The following ASXL1 variants were observed in gnomAD, a reference collection of about 807,000 sequenced individuals.
The protein encoded by ASXL1 is polycomb group protein ASXL1.
A neutral mutation model predicts 89.1 loss-of-function variants in ASXL1; 65 were observed. That is an observed-to-expected ratio of 0.73 (90% confidence interval 0.60 to 0.90). The LOEUF is 0.90. Ranked by LOEUF, ASXL1 falls within the 40% of genes least tolerant of loss-of-function variation. The pLI is 0.00. For synonymous variants in ASXL1, 739 were observed against 746.9 expected (o/e 0.99, Z 0.17); for missense variants, 1,786 against 1,942.9 (o/e 0.92, Z 1.52).
At chr20:32,379,544 G>A (rs993745590) in intron 4 of ASXL1, among the ~76,000 whole-genome samples, 1 of 151,428 alleles carries the variant, frequency 6.6e-6, no homozygotes, top group Non-Finnish European at 1.5e-5. Context: ...AAGATGTCAC[G>A]GCCAGGCATG....
At chr20:32,366,313 C>G in intron 1 of ASXL1, 71 bp from the exon 2 acceptor site, 1 of 1,330,974 alleles carries the variant, frequency 7.5e-7, no homozygotes, top group Non-Finnish European at 1.1e-6. Flanking sequence ...ATAACTTTAG[C>G]CCATGATATA....
chr20:32,435,806 G>A lies in ASXL1; in HGVS notation c.3094G>A (p.Asp1032Asn). 6.2e-7 allele frequency: 1 copy of A among 1,614,224 alleles called. No individual in the cohort carries two copies. The highest frequency in any genetic ancestry group is 8.5e-7 in the Non-Finnish European group (1 of 1,180,044). Reference sequence around the variant, plus strand: ...GACAAAGGGATCTTCGGTGGACAAGGATGAGAAACCCAATTGGAACCAATC... The same window carrying A: ...GACAAAGGGATCTTCGGTGGACAAGAATGAGAAACCCAATTGGAACCAATC... ...AVTKGSSVDKDEKPNWNQSAP... is the reference protein window; with the variant it reads ...AVTKGSSVDKNEKPNWNQSAP... Residue 1032 changes from aspartate to asparagine, a missense_variant, in exon 13 of 13, where the codon GAT becomes AAT. Physicochemically the swap from Asp to Asn is conservative, Grantham distance 23 (BLOSUM62 1). Coordinates refer to ENST00000375687, the MANE Select transcript of ASXL1 (RefSeq NM_015338.6).
rs2011974856 is a variant in ASXL1, at chr20:32,437,209, G to A, written c.4497G>A (p.Val1499=). 1 of 1,613,624 alleles carries A rather than the reference G, an allele frequency of 6.2e-7. No individual in the cohort carries two copies. The highest frequency in any genetic ancestry group is 8.5e-7 in the Non-Finnish European group (1 of 1,179,528). The change falls in exon 13 of 13, where the codon GTG becomes GTA. Residue 1499 remains valine, a synonymous_variant. Transcript: ENST00000375687. ...AAATGTTCACTGACAGCAGCACGGT[G>A]GAAAGCATCTCGCTCCAGTGTGCGT... The part of the protein sequence containing the change: ...SLQMFTDSST[V]ESISLQCACS...
At chr20:32,381,992 G>C (rs968732873) in intron 4 of ASXL1, among the ~76,000 whole-genome samples, 1 of 39,718 alleles carries the variant, frequency 2.5e-5, no homozygotes, top group African/African-American at 1.0e-4. Context: ...TTTTGGTTTT[G>C]TTGCCCAGGC....
intron 4 of ASXL1, among the ~76,000 whole-genome samples, chr20:32,371,546 C>A (rs973095465): frequency 2.0e-5 from 3 of 152,122 alleles, no homozygotes; most frequent in Non-Finnish European, 4.4e-5. Flanking sequence ...TTTGGCCTCC[C>A]AAACTGCCAG....
Position 32,436,185 on chromosome 20 carries a change from A to G in ASXL1, c.3473A>G (p.Asn1158Ser). 1 of 1,614,224 alleles carries G rather than the reference A, an allele frequency of 6.2e-7. No homozygotes were observed. The highest frequency in any genetic ancestry group is 8.5e-7 in the Non-Finnish European group (1 of 1,180,030). ...RMGSLHGLGKNSGMVDGSSPS... is the reference protein window; with the variant it reads ...RMGSLHGLGKSSGMVDGSSPS... ...GGATCTTTACATGGTCTTGGAAAAA[A>G]CAGTGGCATGGTTGATGGAAGCAGC... The change falls in exon 13 of 13, where the codon AAC becomes AGC. Residue 1158 changes from asparagine to serine, a missense_variant. By Grantham distance (46) the Asn-to-Ser change is conservative (BLOSUM62 1). Around this residue, in one of 3 missense-constraint regions of ASXL1, gnomAD observed 1,418 missense variants for 1,427.8 expected, o/e 0.99. Coordinates refer to ENST00000375687, the MANE Select transcript of ASXL1 (RefSeq NM_015338.6).
chr20:32,408,724 G>T (rs556454630), intron 4 of ASXL1, among the ~76,000 whole-genome samples: 7 of 150,526 alleles, frequency 4.7e-5, no homozygotes, highest in Non-Finnish European at 1.0e-4. Context: ...AGCCTTCTTT[G>T]CATTTTCATA....
chr20:32,414,881 A>C (rs1228369378), intron 4 of ASXL1, among the ~76,000 whole-genome samples: 2 of 152,106 alleles, frequency 1.3e-5, no homozygotes, highest in African/African-American at 4.8e-5. Flanking sequence ...TGCCATCTAC[A>C]TGACAGTAGG....
intron 1 of ASXL1, chr20:32,359,529 A>C: frequency 1.5e-6 from 1 of 646,632 alleles, no homozygotes; most frequent in Non-Finnish European, 2.8e-6. Flanking sequence ...CAGGTGATTC[A>C]AACGCAGTGG....
Position 32,435,435 on chromosome 20 carries a change from T to C in ASXL1, c.2723T>C (p.Val908Ala). Residue 908 changes from valine to alanine, a missense_variant, in exon 13 of 13, where the codon GTG (valine) becomes GCG (alanine). Val to Ala is a moderately conservative substitution (Grantham distance 64, BLOSUM62 0). This residue lies in a region of ASXL1 where 1,418 missense variants were observed against 1,427.8 expected (regional missense o/e 0.99). Coordinates refer to ENST00000375687, the MANE Select transcript of ASXL1 (RefSeq NM_015338.6). Reference protein sequence around the residue: ...WIPIPSNDEVVKQPKPESREH... With the variant: ...WIPIPSNDEVAKQPKPESREH... ...CCCATCCCATCGAATGATGAGGTAG[T>C]GAAACAGCCCAAACCAGAATCCAGA... 3 of 1,614,094 alleles carry C rather than the reference T, an allele frequency of 1.9e-6. No individual in the cohort carries two copies. The highest frequency in any genetic ancestry group is 2.2e-5 in the East Asian group (1 of 44,878).
chr20:32,386,374 A>G (rs1301855421), intron 4 of ASXL1, among the ~76,000 whole-genome samples: 1 of 152,108 alleles, frequency 6.6e-6, no homozygotes, highest in Non-Finnish European at 1.5e-5. Flanking sequence ...GAAAACCTCC[A>G]AAGTGTAAGT....
At chr20:32,411,982 C>G (rs1192868752) in intron 4 of ASXL1, among the ~76,000 whole-genome samples, 1 of 152,182 alleles carries the variant, frequency 6.6e-6, no homozygotes, top group African/African-American at 2.4e-5. Context: ...CTGAACACTT[C>G]TTTACTTACC....
At chr20:32,392,981 CTTGTTGATTGAT>C (rs1301614587) in intron 4 of ASXL1, among the ~76,000 whole-genome samples, 1 of 152,074 alleles carries the variant, frequency 6.6e-6, no homozygotes, top group Non-Finnish European at 1.5e-5. Flanking sequence ...TGTTGATTGG[CTTGTTGATTGAT>C]AATGTTCAAG....
rs756414158 is a variant in ASXL1, at chr20:32,435,925, G to A, written c.3213G>A (p.Ala1071=). 3.3e-5 allele frequency: 53 copies of A among 1,614,034 alleles called. No homozygotes were observed. The highest frequency in any genetic ancestry group is 4.0e-5 in the Non-Finnish European group (47 of 1,180,038). ...AGAGCTGGGTGTCTCGAGTATGTGC[G>A]GTCCGCCAAAAGATCCCAGATTCCC... ...APQSWVSRVC[A]VRQKIPDSLL... is the part of the protein sequence containing the mutation. Residue 1071 remains alanine (A), a synonymous_variant, in exon 13 of 13, where the codon GCG becomes GCA. Coordinates refer to ENST00000375687, the MANE Select transcript of ASXL1 (RefSeq NM_015338.6).
intron 4 of ASXL1, among the ~76,000 whole-genome samples, chr20:32,407,120 T>C (rs898556694): frequency 1.3e-5 from 2 of 152,160 alleles, no homozygotes; most frequent in South Asian, 2.1e-4. Flanking sequence ...GGCAGGTGGA[T>C]CACTTTGGTT....
At chr20:32,366,522 G>C (rs2048207266) in intron 2 of ASXL1, 56 bp downstream of exon 2, 1 of 1,612,888 alleles carries the variant, frequency 6.2e-7, no homozygotes, top group Non-Finnish European at 8.5e-7. Context: ...GTGTCTTTCT[G>C]TAGTTGTAGT....
intron 4 of ASXL1, among the ~76,000 whole-genome samples, chr20:32,416,769 G>C (rs180768200): frequency 2.1e-4 from 32 of 152,114 alleles, no homozygotes; most frequent in African/African-American, 7.7e-4. Flanking sequence ...TTTCTGTGGG[G>C]GTTAGTGAAA....
intron 4 of ASXL1, among the ~76,000 whole-genome samples, chr20:32,395,991 G>A (rs1003088159): frequency 6.6e-6 from 1 of 152,014 alleles, no homozygotes; most frequent in African/African-American, 2.4e-5. Context: ...TAGAGACAGA[G>A]CTTCACCATG....
Position 32,437,619 on chromosome 20 carries a change from G to A in ASXL1, c.*281G>A. On this transcript the variant is annotated 3_prime_UTR_variant, in exon 13 of 13. Transcript: ENST00000375687. Reference sequence around the variant, plus strand: ...ATGTGGCACGGAGTGGGGTTGCGGGGGGTGGGGGGACTGCCTGACTCCCAG... The same window carrying A: ...ATGTGGCACGGAGTGGGGTTGCGGGAGGTGGGGGGACTGCCTGACTCCCAG... 2.0e-6 allele frequency: 1 copy of A among 496,816 alleles called. No homozygotes were observed. Among genetic ancestry groups the A allele is most frequent in the Non-Finnish European group, 3.6e-6 (1 of 277,198 alleles). 30.8% of individuals were successfully genotyped at this position (496,816 alleles called of 1,614,324 possible). A position where few individuals can be genotyped will look rare whatever the true frequency, so the allele number is the denominator to read the frequency against.
Sources: gnomAD v4.1 joint callset for allele counts (sites outside exome capture counted in the v4.1 genomes callset) on GRCh38, gnomAD v4.1.1 for gene constraint, gnomAD v4.1.1 regional missense constraint, MANE v1.5 for transcripts, NCBI Gene and HGNC (gene_info 2026-07-23, HGNC 2026-07-21) for gene names.